Variants in RANBP9 observed in about 807,000 individuals in gnomAD.
RANBP9 encodes ran-binding protein 9.
In RANBP9, 15 loss-of-function variants were observed where a neutral mutation model predicts 84.3. The observed-to-expected ratio is 0.18, with a 90% CI of 0.12 to 0.27. The LOEUF is 0.27. Ranked by LOEUF, RANBP9 falls within the 10% of genes least tolerant of loss-of-function variation. The probability of loss-of-function intolerance (pLI) is 1.00; values close to 1 mark genes in which losing one functional copy is unlikely to be tolerated. For missense variants in RANBP9, 809 were observed against 912.8 expected (o/e 0.89, Z 1.46); for synonymous variants, 392 against 349.6 (o/e 1.12, Z -1.35).
At chr6:13,672,770 TAAGA>T (rs1287172466) in intron 2 of RANBP9, among the ~76,000 whole-genome samples, 1 of 151,686 alleles carries the variant, frequency 6.6e-6, no homozygotes, top group Non-Finnish European at 1.5e-5. Flanking sequence ...CTAAGGGCTA[TAAGA>T]AAGAATCAAA....
intron 2 of RANBP9, among the ~76,000 whole-genome samples, chr6:13,662,618 T>C (rs1228130146): frequency 6.6e-6 from 1 of 152,196 alleles, no homozygotes; most frequent in Non-Finnish European, 1.5e-5. Context: ...TTCTGCCATG[T>C]AAGGACACAT....
rs1758296436 is a variant in RANBP9, at chr6:13,711,766, G to A, written c.-261C>T. Among the ~76,000 whole-genome samples the A allele has an allele frequency of 6.8e-6, 1 of 147,278 alleles. No homozygotes were observed. The highest frequency in any genetic ancestry group is 1.5e-5 in the Non-Finnish European group (1 of 66,238). ...CCCGGGGACGAGGCGCCGAGGGCGG[G>A]GGCGACGCGGGAGCGCGGGAGGGGA... On this transcript the variant is annotated 5_prime_UTR_variant, in exon 1 of 14. Coordinates refer to ENST00000011619, the MANE Select transcript of RANBP9 (RefSeq NM_005493.3).
intron 2 of RANBP9, among the ~76,000 whole-genome samples, chr6:13,689,179 A>G (rs1766267231): frequency 6.6e-6 from 1 of 151,808 alleles, no homozygotes; most frequent in African/African-American, 2.4e-5. Context: ...AACAAAACAA[A>G]AAACTGAAAG....
At chr6:13,672,962 A>G (rs918139454) in intron 2 of RANBP9, among the ~76,000 whole-genome samples, 1 of 152,130 alleles carries the variant, frequency 6.6e-6, no homozygotes, top group Non-Finnish European at 1.5e-5. Flanking sequence ...TAGAAGGAGA[A>G]GAAACAAAGA....
intron 2 of RANBP9, among the ~76,000 whole-genome samples, chr6:13,693,446 G>A (rs1766372688): frequency 6.6e-6 from 1 of 152,078 alleles, no homozygotes; most frequent in Non-Finnish European, 1.5e-5. Flanking sequence ...TACACTGCTG[G>A]TAGAAATGCA....
intron 10 of RANBP9, among the ~76,000 whole-genome samples, chr6:13,635,441 GT>G (rs1764914306): frequency 6.6e-6 from 1 of 151,832 alleles, no homozygotes; most frequent in Non-Finnish European, 1.5e-5. Context: ...GAAATTTTAG[GT>G]AATGCTTAGA....
At position 13,678,920 on chromosome 6, in the gene RANBP9, A is replaced by G. The variant is rs369042175; in HGVS notation, c.683+17865T>C. On this transcript the variant is annotated intron_variant, in intron 2 of 13. Coordinates refer to ENST00000011619, the MANE Select transcript of RANBP9 (RefSeq NM_005493.3). ...ATACAAAATAAATTTAAGTATATGC[A>G]TGCTCAAAATATTGCAAAGTGAAAT... Among the ~76,000 whole-genome samples the G allele has an allele frequency of 5.9e-5, 9 of 152,334 alleles. No individual in the cohort carries two copies. The East Asian group carries it at 1.7e-3, about 29-fold the overall frequency.
chr6:13,645,309 T>TAA (rs149605857), intron 5 of RANBP9, among the ~76,000 whole-genome samples: 1 of 147,608 alleles, frequency 6.8e-6, no homozygotes, highest in Admixed American at 6.8e-5. Flanking sequence ...TTCTCTATAT[T>TAA]AAAAAAAAAA....
At chr6:13,682,862 C>G (rs966819588) in intron 2 of RANBP9, among the ~76,000 whole-genome samples, 8 of 152,294 alleles carry the variant, frequency 5.3e-5, no homozygotes, top group African/African-American at 1.9e-4. Context: ...AACTCTGCAA[C>G]TCATGAACTC....
intron 5 of RANBP9, among the ~76,000 whole-genome samples, chr6:13,651,259 T>G (rs1357669536): frequency 6.6e-6 from 1 of 152,124 alleles, no homozygotes; most frequent in Non-Finnish European, 1.5e-5. Context: ...GTTTGGTAAA[T>G]AAGATACGTG....
rs79367752 is a variant in RANBP9 at position 13,642,258 on chromosome 6, A to C, written c.1225+221T>G. ...AAATGGTAAAGACATTCCTTCAAAAAACTTCTGTAAAATCTCTCTAGAATT... is the reference window on the plus strand; with the variant it reads ...AAATGGTAAAGACATTCCTTCAAAACACTTCTGTAAAATCTCTCTAGAATT... On this transcript the variant is annotated intron_variant, in intron 7 of 13. Coordinates refer to ENST00000011619, the MANE Select transcript of RANBP9 (RefSeq NM_005493.3). Among the ~76,000 whole-genome samples the C allele has an allele frequency of 4.1e-4, 63 of 152,266 alleles. 3 individuals carry two copies. In the East Asian group the frequency reaches 0.01, roughly 24 times the overall value.
At chr6:13,632,838 T>TA (rs372574264) in intron 11 of RANBP9, 60,870 of 121,340 alleles carry the variant, frequency 0.5, 15,407 homozygotes, top group Admixed American at 0.59. Flanking sequence ...AAGCAACATT[T>TA]AAAAAAAAAA....
intron 3 of RANBP9, among the ~76,000 whole-genome samples, chr6:13,657,676 G>A (rs1179520331): frequency 6.6e-6 from 1 of 152,168 alleles, no homozygotes; most frequent in Non-Finnish European, 1.5e-5. Flanking sequence ...ATCACTGCAA[G>A]TTTCTCAAGA....
rs1046350526 is a variant in RANBP9, at chr6:13,634,335, C to G, written c.1795+96G>C. The G allele has an allele frequency of 3.6e-6, 5 of 1,404,158 alleles. No individual in the cohort carries two copies. The African/African-American group carries it at 5.7e-5, about 16-fold the overall frequency. The allele number at this position is 1,404,158 out of a possible 1,614,324, so 87.0% of individuals were successfully genotyped here. A position where few individuals can be genotyped will look rare whatever the true frequency, so the allele number is the denominator to read the frequency against. On this transcript the variant is annotated intron_variant, in intron 11 of 13. Transcript: ENST00000011619. ...TCCTACAGCACATACATCTTTAAAT[C>G]TGGTTTATGCTCATCAGCTGTGAAT...
intron 2 of RANBP9, among the ~76,000 whole-genome samples, chr6:13,687,576 G>A (rs973206312): frequency 1.3e-5 from 2 of 152,022 alleles, no homozygotes; most frequent in African/African-American, 4.8e-5. Flanking sequence ...AAGCTAGGGA[G>A]TCATTCTTAA....
intron 1 of RANBP9, among the ~76,000 whole-genome samples, chr6:13,706,179 C>T (rs1244183863): frequency 1.3e-5 from 2 of 151,584 alleles, no homozygotes; most frequent in Non-Finnish European, 2.9e-5. Flanking sequence ...CCTATCTCTA[C>T]TAAAAATACA....
chr6:13,673,021 G>A (rs1765809684), intron 2 of RANBP9, among the ~76,000 whole-genome samples: 2 of 152,068 alleles, frequency 1.3e-5, no homozygotes, highest in African/African-American at 4.8e-5. Context: ...CAAAATTAAT[G>A]ACAGATCCCC....
chr6:13,708,118 A>C (rs890199042), intron 1 of RANBP9, among the ~76,000 whole-genome samples: 3 of 152,338 alleles, frequency 2.0e-5, no homozygotes, highest in Admixed American at 2.0e-4. Flanking sequence ...AATTTAGAAG[A>C]ACATCTTAAA....
chr6:13,679,867 T>G (rs1425552888), intron 2 of RANBP9, among the ~76,000 whole-genome samples: 1 of 152,172 alleles, frequency 6.6e-6, no homozygotes, highest in East Asian at 1.9e-4. Flanking sequence ...AACTTAAAAA[T>G]TACACTGGAT....
Sources: gnomAD v4.1 joint callset for allele counts (sites outside exome capture counted in the v4.1 genomes callset) on GRCh38, gnomAD v4.1.1 for gene constraint, MANE v1.5 for transcripts, NCBI Gene and HGNC (gene_info 2026-07-23, HGNC 2026-07-21) for gene names.